The following PCDH11X variants were observed in gnomAD, a reference collection of about 807,000 sequenced individuals.
PCDH11X encodes the protein protocadherin 11 X-linked, also known as protocadherin-11 X-linked.
A neutral mutation model predicts 53.3 loss-of-function variants in PCDH11X; 18 were observed. The observed-to-expected ratio is 0.34, with a 90% CI of 0.23 to 0.50. PCDH11X has a LOEUF of 0.50. Ranked by LOEUF, PCDH11X falls within the 20% of genes least tolerant of loss-of-function variation. The probability of loss-of-function intolerance (pLI) is 0.98; values close to 1 mark genes in which losing one functional copy is unlikely to be tolerated. For missense variants in PCDH11X, 570 were observed against 1,032.4 expected, an observed-to-expected ratio of 0.55 and a Z score of 6.14; for synonymous variants, 279 against 393.3, an observed-to-expected ratio of 0.71 and a Z score of 3.44.
chrX:92,519,797 T>C lies in PCDH11X; in HGVS notation c.3367+51475T>C, dbSNP rs760747154. Among the ~76,000 whole-genome samples, 294 of 104,946 alleles carry C rather than the reference T, an allele frequency of 2.8e-3. 2 individuals carry two copies. The highest frequency in any genetic ancestry group is 9.7e-3 in the African/African-American group (282 of 28,941). 91.1% of individuals were successfully genotyped at this position (104,946 alleles called of 115,157 possible). A position where few individuals can be genotyped will look rare whatever the true frequency, so the allele number is the denominator to read the frequency against. On this transcript the variant is annotated intron_variant, in intron 10 of 10. Coordinates refer to ENST00000682573, the MANE Select transcript of PCDH11X (RefSeq NM_032968.5). ...CCTTCATATGCTCTTTTTAAGTACA[T>C]TTTAATAGTAAAAGCCCCCAAAAAC...
chrX:91,889,543 C>T (rs1051174219), intron 6 of PCDH11X, among the ~76,000 whole-genome samples: 1 of 112,191 alleles, frequency 8.9e-6, no homozygotes, highest in Non-Finnish European at 1.9e-5. Flanking sequence ...AAACTCCTGA[C>T]CTCAGGTGAT....
chrX:92,562,813 A>C lies in PCDH11X; in HGVS notation c.3368-55451A>C, dbSNP rs370300212. Among the ~76,000 whole-genome samples, 532 of 109,939 alleles carry C rather than the reference A, an allele frequency of 4.8e-3. 6 individuals are homozygous for C. In the South Asian group the frequency reaches 0.079, roughly 16 times the overall value. On this transcript the variant is annotated intron_variant, in intron 10 of 10. Transcript: ENST00000682573. ...AAAAGTGACCTTGGCTCCATTTCCC[A>C]ATAAGTTTCTCATTTCCATCTGAGA...
At chrX:92,319,465 A>G (rs1291393678) in intron 8 of PCDH11X, among the ~76,000 whole-genome samples, 1 of 112,505 alleles carries the variant, frequency 8.9e-6, no homozygotes, top group Non-Finnish European at 1.9e-5. Flanking sequence ...TCTTCTACTT[A>G]ATGGGAATGA....
intron 6 of PCDH11X, among the ~76,000 whole-genome samples, chrX:91,995,886 G>C (rs1158505695): frequency 4.1e-5 from 4 of 97,998 alleles, no homozygotes; most frequent in African/African-American, 1.2e-4. Context: ...GTCTCGCTCT[G>C]TCATCCAGGC....
At chrX:92,092,862 T>A (rs1195823552) in intron 6 of PCDH11X, among the ~76,000 whole-genome samples, 2 of 111,470 alleles carry the variant, frequency 1.8e-5, no homozygotes, top group Admixed American at 9.6e-5. Context: ...TAATCCCCAA[T>A]GTTGGAGGTG....
At chrX:91,886,762 G>A (rs1455519100) in intron 6 of PCDH11X, among the ~76,000 whole-genome samples, 23 of 109,143 alleles carry the variant, frequency 2.1e-4, no homozygotes, top group African/African-American at 7.7e-4. Context: ...ACAAGGTCAG[G>A]AGATCGAGAC....
chrX:92,312,375 A>G (rs1411537805), intron 8 of PCDH11X, among the ~76,000 whole-genome samples: 3 of 110,633 alleles, frequency 2.7e-5, no homozygotes, highest in Non-Finnish European at 5.7e-5. Flanking sequence ...ATTTATTAGC[A>G]TATGTGTTCC....
intron 8 of PCDH11X, among the ~76,000 whole-genome samples, chrX:92,275,140 C>G (rs1172058701): frequency 2.0e-5 from 2 of 100,369 alleles, no homozygotes; most frequent in Non-Finnish European, 4.1e-5. Flanking sequence ...AGTATTAAAG[C>G]AGTGGCAGCC....
intron 4 of PCDH11X, among the ~76,000 whole-genome samples, chrX:91,821,536 T>A (rs1204015751): frequency 9.1e-6 from 1 of 110,417 alleles, no homozygotes; most frequent in East Asian, 2.8e-4. Context: ...ATCCTGAGAC[T>A]TTGCTGAAGT....
At chrX:92,294,473 C>A (rs1229762229) in intron 8 of PCDH11X, among the ~76,000 whole-genome samples, 1 of 112,368 alleles carries the variant, frequency 8.9e-6, no homozygotes, top group Non-Finnish European at 1.9e-5. Context: ...AACATTAGAG[C>A]ATTTTATCCT....
intron 8 of PCDH11X, among the ~76,000 whole-genome samples, chrX:92,346,761 G>A (rs1342489568): frequency 1.8e-5 from 2 of 111,759 alleles, no homozygotes; most frequent in African/African-American, 6.5e-5. Context: ...CATGGTGGCA[G>A]CCATAGATAT....
At chrX:92,289,762 A>C in intron 8 of PCDH11X, among the ~76,000 whole-genome samples, 1 of 110,996 alleles carries the variant, frequency 9.0e-6, no homozygotes, top group Middle Eastern at 5.1e-3. Flanking sequence ...ATATTGCCTA[A>C]AAGCATAATT....
chrX:92,123,045 C>A (rs1366083905), intron 6 of PCDH11X, among the ~76,000 whole-genome samples: 2 of 111,684 alleles, frequency 1.8e-5, no homozygotes, highest in Non-Finnish European at 3.8e-5. Context: ...GCTTTAACTA[C>A]GGCAACTATG....
At chrX:92,231,388 T>C (rs894634219) in intron 7 of PCDH11X, among the ~76,000 whole-genome samples, 6 of 111,856 alleles carry the variant, frequency 5.4e-5, no homozygotes, top group Non-Finnish European at 1.1e-4. Flanking sequence ...AGCTGAGGAT[T>C]TAAGTGGAAA....
At chrX:91,907,370 A>AACAC (rs777259208) in intron 6 of PCDH11X, among the ~76,000 whole-genome samples, 905 of 36,090 alleles carry the variant, frequency 0.025, 35 homozygotes, top group South Asian at 0.099. Context: ...CACCACCCTC[A>AACAC]ACACACACAC....
chrX:92,526,894 C>G (rs945801906), intron 10 of PCDH11X, among the ~76,000 whole-genome samples: 20 of 108,923 alleles, frequency 1.8e-4, no homozygotes, highest in African/African-American at 6.7e-4. Flanking sequence ...TTTCCATCAA[C>G]AGATGAATGG....
At position 92,038,470 on chromosome X, in the gene PCDH11X, G is replaced by A. The variant is rs922333362; in HGVS notation, c.3033+159197G>A. Among the ~76,000 whole-genome samples, 5 of 111,718 alleles carry A rather than the reference G, an allele frequency of 4.5e-5. No individual in the cohort carries two copies. The Admixed American group carries it at 4.7e-4, about 11-fold the overall frequency. ...GCAGTATCCACGTGGTATAGAGCCT[G>A]CAATTGCACAGAAGTCAAGAATTGA... On this transcript the variant is annotated intron_variant, in intron 6 of 10. Transcript: ENST00000682573.
At chrX:92,287,794 A>G (rs2068408690) in intron 8 of PCDH11X, among the ~76,000 whole-genome samples, 1 of 111,689 alleles carries the variant, frequency 9.0e-6, no homozygotes, top group Non-Finnish European at 1.9e-5. Context: ...CTCATGTTGA[A>G]TTGCAATCCC....
intron 6 of PCDH11X, among the ~76,000 whole-genome samples, chrX:92,063,232 C>T (rs1030517191): frequency 9.1e-6 from 1 of 109,311 alleles, no homozygotes; most frequent in Admixed American, 9.8e-5. Context: ...AGGAGAAATA[C>T]CTAATGTAGA....
Sources: gnomAD v4.1 joint callset for allele counts (sites outside exome capture counted in the v4.1 genomes callset) on GRCh38, gnomAD v4.1.1 for gene constraint, MANE v1.5 for transcripts, NCBI Gene and HGNC (gene_info 2026-07-23, HGNC 2026-07-21) for gene names.